The following FMR1NB variants were observed in gnomAD, a reference collection of about 807,000 sequenced individuals.
FMR1NB encodes FMR1 neighbor.
Under a neutral mutation model 16.8 loss-of-function variants are expected in FMR1NB, and 10 were observed. That is an observed-to-expected ratio of 0.60 (90% CI 0.37 to 1.01). The LOEUF (loss-of-function observed/expected upper bound fraction) is 1.01. Ranked by LOEUF, FMR1NB falls within the 50% of genes least tolerant of loss-of-function variation. The probability of loss-of-function intolerance (pLI) is 0.01; values close to 1 mark genes in which losing one functional copy is unlikely to be tolerated. For missense variants in FMR1NB, 205 were observed against 204.8 expected, an observed-to-expected ratio of 1.00 and a Z score of 0.00; for synonymous variants, 83 against 79.1, an observed-to-expected ratio of 1.05 and a Z score of -0.26.
intron 1 of FMR1NB, among the ~76,000 whole-genome samples, chrX:147,999,341 A>G (rs1261357787): frequency 8.9e-6 from 1 of 111,987 alleles, no homozygotes; most frequent in African/African-American, 3.2e-5. Context: ...GAAGGGGAAC[A>G]CTGAGCAAAC....
chrX:147,981,737 A>AG (rs1447745797), intron 1 of FMR1NB, 58 bp downstream of exon 1: 3 of 3,835 alleles, frequency 7.8e-4, no homozygotes, highest in Non-Finnish European at 9.6e-4. Flanking sequence ...GGGGAGGGAG[A>AG]GGGGGGCGGG....
chrX:148,025,023 A>G lies in FMR1NB; in HGVS notation c.*13+10A>G. ...TAGCAAGAGACCAAAGGTAATTGAC[A>G]ATAGGATATAAAGTTGAAGTGCTCA... On this transcript the variant is annotated intron_variant, in intron 5 of 5. Coordinates refer to ENST00000370467, the MANE Select transcript of FMR1NB (RefSeq NM_152578.3). The G allele has an allele frequency of 8.3e-7, 1 of 1,203,895 alleles. No individual in the cohort carries two copies.
intron 4 of FMR1NB, 42 bp from the exon 5 acceptor site, chrX:148,024,823 C>T (rs2044695337): frequency 8.4e-7 from 1 of 1,189,510 alleles, no homozygotes; most frequent in Non-Finnish European, 1.1e-6. Flanking sequence ...TATTCTATCA[C>T]TAATGAGAAA....
At chrX:148,006,329 C>T (rs961672641) in intron 2 of FMR1NB, among the ~76,000 whole-genome samples, 4 of 111,604 alleles carry the variant, frequency 3.6e-5, no homozygotes, top group African/African-American at 9.8e-5. Context: ...AACGTTAAGC[C>T]GGAGGATATA....
intron 4 of FMR1NB, among the ~76,000 whole-genome samples, chrX:148,016,666 T>C (rs1349787195): frequency 9.0e-6 from 1 of 111,645 alleles, no homozygotes; most frequent in Non-Finnish European, 1.9e-5. Flanking sequence ...GCAAATACTA[T>C]CTAATAACCT....
At chrX:148,004,782 T>C (rs1356330020) in intron 2 of FMR1NB, among the ~76,000 whole-genome samples, 1 of 112,766 alleles carries the variant, frequency 8.9e-6, no homozygotes, top group East Asian at 2.8e-4. Context: ...ACCTGATCTT[T>C]CTCCCTTTGG....
At chrX:148,010,697 C>T (rs886713024) in intron 4 of FMR1NB, among the ~76,000 whole-genome samples, 2 of 111,485 alleles carry the variant, frequency 1.8e-5, no homozygotes, top group Admixed American at 9.5e-5. Context: ...AATTGTTTGT[C>T]CAAATCAGAG....
rs1557186508 is a variant in FMR1NB, at chrX:147,981,597, C to T, written c.195C>T (p.Val65=). The T allele has an allele frequency of 8.3e-7, 1 of 1,211,353 alleles. No individual in the cohort carries two copies. The highest frequency in any genetic ancestry group is 3.0e-5 in the East Asian group (1 of 33,773). Residue 65 remains valine (V), a synonymous_variant, in exon 1 of 6, where the codon GTC becomes GTT. Coordinates refer to ENST00000370467, the MANE Select transcript of FMR1NB (RefSeq NM_152578.3). The part of the protein sequence containing the change: ...PGWRESLKMR[V]SKPFGMLMLS... Reference sequence around the variant, plus strand: ...GGCGGGAATCTCTAAAGATGCGGGTCAGCAAACCCTTTGGGATGCTCATGC... The same window carrying T: ...GGCGGGAATCTCTAAAGATGCGGGTTAGCAAACCCTTTGGGATGCTCATGC...
chrX:148,005,009 C>A (rs1238798129), intron 2 of FMR1NB, among the ~76,000 whole-genome samples: 2 of 112,172 alleles, frequency 1.8e-5, no homozygotes, highest in African/African-American at 6.5e-5. Flanking sequence ...CCTACCTCAG[C>A]CTCCTGAGTA....
chrX:148,018,298 G>A (rs1468294518), intron 4 of FMR1NB, among the ~76,000 whole-genome samples: 2 of 112,027 alleles, frequency 1.8e-5, no homozygotes, highest in African/African-American at 6.5e-5. Flanking sequence ...CAGTGATGGT[G>A]AGCATTTTTT....
chrX:148,022,555 T>G (rs2044684796), intron 4 of FMR1NB, among the ~76,000 whole-genome samples: 2 of 112,018 alleles, frequency 1.8e-5, no homozygotes, highest in South Asian at 3.7e-4. Flanking sequence ...CGTGTGCGTA[T>G]GCTGGTCATG....
intron 1 of FMR1NB, 37 bp downstream of exon 1, chrX:147,981,716 G>A (rs781869199): frequency 4.2e-6 from 4 of 962,040 alleles, no homozygotes; most frequent in African/African-American, 4.0e-5. Context: ...GAAATGCTGG[G>A]GGAGGGGGAG....
chrX:148,003,447 T>C (rs2044581027), intron 2 of FMR1NB, 127 bp downstream of exon 2: 1 of 728,867 alleles, frequency 1.4e-6, no homozygotes, highest in African/African-American at 2.1e-5. Context: ...ATCCTGGCTC[T>C]GCTCTTTGGC....
chrX:147,985,687 A>G (rs1012238468), intron 1 of FMR1NB, among the ~76,000 whole-genome samples: 6 of 112,100 alleles, frequency 5.4e-5, no homozygotes, highest in Non-Finnish European at 1.1e-4. Context: ...CATGGTGTGT[A>G]TGTGCCACAT....
In FMR1NB at chrX:148,003,186, T is replaced by C. The variant is rs183400752; in HGVS notation, c.278-15T>C. ...GCTTTATATGTTGGGATTAATAATT[T>C]TACTTCTTCTTAAGGGTCCTCATAT... is the stretch of plus-strand genomic sequence containing the variant. On this transcript the variant is annotated splice_polypyrimidine_tract_variant and intron_variant, in intron 1 of 5. Transcript: ENST00000370467. The C allele has an allele frequency of 7.5e-6, 9 of 1,200,318 alleles. No homozygotes were observed. In the Admixed American group the frequency reaches 2.0e-4, roughly 27 times the overall value.
intron 1 of FMR1NB, among the ~76,000 whole-genome samples, chrX:147,999,632 C>A (rs1490920667): frequency 2.7e-5 from 3 of 110,627 alleles, no homozygotes; most frequent in Non-Finnish European, 5.7e-5. Context: ...CACTTTTCTT[C>A]ATAGCACTCA....
chrX:148,017,584 T>C (rs1557190226), intron 4 of FMR1NB, among the ~76,000 whole-genome samples: 1 of 109,200 alleles, frequency 9.2e-6, no homozygotes, highest in East Asian at 2.9e-4. Flanking sequence ...CTTTAAGTTT[T>C]AGGGTACATG....
intron 4 of FMR1NB, among the ~76,000 whole-genome samples, chrX:148,015,930 A>T (rs5904837): frequency 0.23 from 25,143 of 111,346 alleles, 3,622 homozygotes; most frequent in African/African-American, 0.53. Flanking sequence ...ATTATTGTAC[A>T]GGGGTCTATC....
At chrX:148,008,536 T>C in intron 3 of FMR1NB, 82 bp from the exon 4 acceptor site, 1 of 932,631 alleles carries the variant, frequency 1.1e-6, no homozygotes, top group African/African-American at 1.9e-5. Context: ...TGATAGTTTC[T>C]TTATAAAGAC....
Sources: gnomAD v4.1 joint callset for allele counts (sites outside exome capture counted in the v4.1 genomes callset) on GRCh38, gnomAD v4.1.1 for gene constraint, MANE v1.5 for transcripts, NCBI Gene and HGNC (gene_info 2026-07-23, HGNC 2026-07-21) for gene names.